Variants in CHD9 observed in about 807,000 individuals in gnomAD.
CHD9 encodes the protein ATP-dependent chromatin remodeler CHD9.
In CHD9, 77 loss-of-function variants were observed where a neutral mutation model predicts 316.1. The observed-to-expected ratio is 0.24, with a 90% CI of 0.20 to 0.29. The LOEUF is 0.29. Among genes scored for constraint, CHD9 ranks in the 10% least tolerant of loss-of-function variants. The pLI is 1.00. For synonymous variants in CHD9, 1,129 were observed against 1,158.3 expected (o/e 0.97, Z 0.51); for missense variants, 2,763 against 3,438.1 (o/e 0.80, Z 4.91).
chr16:53,132,943 G>T (rs536824998), intron 1 of CHD9, among the ~76,000 whole-genome samples: 1 of 151,808 alleles, frequency 6.6e-6, no homozygotes, highest in East Asian at 1.9e-4. Flanking sequence ...CCAGTAGCTG[G>T]GATTACAGGT....
chr16:53,251,507 AT>A (rs1259162779), intron 17 of CHD9, among the ~76,000 whole-genome samples: 1 of 152,172 alleles, frequency 6.6e-6, no homozygotes, highest in East Asian at 1.9e-4. Flanking sequence ...AAAGTTGCCC[AT>A]TTACAGTCCT....
chr16:53,237,647 G>A (rs950015166), intron 11 of CHD9, among the ~76,000 whole-genome samples: 40 of 152,116 alleles, frequency 2.6e-4, no homozygotes, highest in African/African-American at 9.7e-4. Context: ...CTTTCTGAAA[G>A]AGGTCTTCTC....
At chr16:53,085,040 C>T (rs1379205858) in intron 1 of CHD9, among the ~76,000 whole-genome samples, 2 of 152,128 alleles carry the variant, frequency 1.3e-5, no homozygotes, top group Non-Finnish European at 2.9e-5. Flanking sequence ...AGTCAATTCC[C>T]AAATTGGGAG....
chr16:53,215,128 C>T (rs983075383), intron 3 of CHD9, among the ~76,000 whole-genome samples: 1 of 152,016 alleles, frequency 6.6e-6, no homozygotes, highest in Non-Finnish European at 1.5e-5. Context: ...GTGTTAGCCA[C>T]GATGGTCTCG....
intron 1 of CHD9, among the ~76,000 whole-genome samples, chr16:53,058,416 G>A (rs2032430543): frequency 6.6e-6 from 1 of 152,186 alleles, no homozygotes; most frequent in South Asian, 2.1e-4. Flanking sequence ...ACAGCACCTG[G>A]CCTATAAGGT....
intron 37 of CHD9, among the ~76,000 whole-genome samples, chr16:53,320,790 A>T (rs1299121235): frequency 6.6e-6 from 1 of 152,168 alleles, no homozygotes; most frequent in Non-Finnish European, 1.5e-5. Context: ...TTGGTTAATT[A>T]TACATACTTC....
chr16:53,128,583 C>A (rs1413458049), intron 1 of CHD9, among the ~76,000 whole-genome samples: 1 of 152,168 alleles, frequency 6.6e-6, no homozygotes, highest in East Asian at 1.9e-4. Flanking sequence ...AATGGTAGGC[C>A]AGTGTTGCTA....
At chr16:53,232,337 T>C (rs2152927709) in intron 10 of CHD9, among the ~76,000 whole-genome samples, 1 of 152,270 alleles carries the variant, frequency 6.6e-6, no homozygotes, top group South Asian at 2.1e-4. Flanking sequence ...CTGAATAAGC[T>C]ATGTCTTTAG....
intron 24 of CHD9, among the ~76,000 whole-genome samples, chr16:53,275,707 G>A (rs1052967749): frequency 6.6e-6 from 1 of 151,858 alleles, no homozygotes; most frequent in Non-Finnish European, 1.5e-5. Flanking sequence ...GTAGAGAAAT[G>A]TAAGCAAGCC....
rs1205206093 is a variant in CHD9 at position 53,125,230 on chromosome 16, T to A, written c.-164-30696T>A. ...GGTTCAAGTTAGGATTTTTTTTTTT[T>A]TTTTTTTTTTTGAGATGGAGTCTCA... On this transcript the variant is annotated intron_variant, in intron 1 of 38. Coordinates refer to ENST00000447540, the MANE Select transcript of CHD9 (RefSeq NM_001308319.2). Among the ~76,000 whole-genome samples, 5 of 146,320 alleles carry A rather than the reference T, an allele frequency of 3.4e-5. 1 individual carries two copies. The East Asian group carries it at 9.9e-4, about 29-fold the overall frequency.
At chr16:53,160,962 G>A (rs2041866346) in intron 2 of CHD9, among the ~76,000 whole-genome samples, 3 of 152,092 alleles carry the variant, frequency 2.0e-5, no homozygotes, top group South Asian at 4.1e-4. Context: ...GTTTATGCCT[G>A]TAATCCCAAC....
At chr16:53,199,114 A>G (rs1369997999) in intron 2 of CHD9, among the ~76,000 whole-genome samples, 2 of 152,070 alleles carry the variant, frequency 1.3e-5, no homozygotes, top group East Asian at 3.9e-4. Flanking sequence ...ACCAGCTACA[A>G]GTTCTGGGGG....
Position 53,314,843 on chromosome 16 carries a change from C to T in CHD9, c.7383C>T (p.Ser2461=), listed in dbSNP as rs1304714668. ...TACAGGTTTCTTTAGGCTTAACCTCCTCACAGATTTCCACAGGGATAAATC... is the reference window on the plus strand; with the variant it reads ...TACAGGTTTCTTTAGGCTTAACCTCTTCACAGATTTCCACAGGGATAAATC... ...PPNHVSLGLT[S]SQISTGINPA... Residue 2461 remains serine, a synonymous_variant, in exon 36 of 39, where the codon TCC becomes TCT. Coordinates refer to ENST00000447540, the MANE Select transcript of CHD9 (RefSeq NM_001308319.2). The T allele has an allele frequency of 2.5e-6, 4 of 1,612,752 alleles. No homozygotes were observed. The highest frequency in any genetic ancestry group is 2.2e-5 in the East Asian group (1 of 44,836).
chr16:53,153,410 G>C (rs778882772), intron 1 of CHD9, among the ~76,000 whole-genome samples: 2 of 152,202 alleles, frequency 1.3e-5, no homozygotes, highest in African/African-American at 4.8e-5. Context: ...CAAGTAGGTG[G>C]GGAAGGAAGG....
At chr16:53,133,964 T>A (rs189559504) in intron 1 of CHD9, among the ~76,000 whole-genome samples, 1 of 152,096 alleles carries the variant, frequency 6.6e-6, no homozygotes, top group Admixed American at 6.5e-5. Flanking sequence ...CATCTATCAA[T>A]AGTAAAACAA....
intron 3 of CHD9, among the ~76,000 whole-genome samples, chr16:53,216,769 GC>G (rs1340629615): frequency 6.6e-6 from 1 of 152,188 alleles, no homozygotes; most frequent in Non-Finnish European, 1.5e-5. Context: ...ACCTGGTAGA[GC>G]ACCAGAACTC....
chr16:53,065,497 T>A (rs1246751034), intron 1 of CHD9, among the ~76,000 whole-genome samples: 1 of 151,778 alleles, frequency 6.6e-6, no homozygotes, highest in Admixed American at 6.6e-5. Flanking sequence ...GAGCTGGATG[T>A]GTGGGCGAGC....
chr16:53,101,986 G>C (rs1215839128), intron 1 of CHD9, among the ~76,000 whole-genome samples: 2 of 152,216 alleles, frequency 1.3e-5, no homozygotes, highest in African/African-American at 4.8e-5. Flanking sequence ...GGAAAAAAGT[G>C]GAGGTCAGGA....
At chr16:53,070,142 A>G (rs2033886307) in intron 1 of CHD9, among the ~76,000 whole-genome samples, 1 of 151,716 alleles carries the variant, frequency 6.6e-6, no homozygotes, top group Non-Finnish European at 1.5e-5. Flanking sequence ...GGGGTTCTTT[A>G]TCTATTTTGG....
Sources: allele counts gnomAD v4.1 joint callset (sites outside exome capture counted in the v4.1 genomes callset), GRCh38; gene constraint gnomAD v4.1.1; transcripts MANE v1.5; gene names NCBI Gene and HGNC (gene_info 2026-07-23, HGNC 2026-07-21).